Variants in PTPN23 observed in about 807,000 individuals in gnomAD.
The protein encoded by PTPN23 is protein tyrosine phosphatase non-receptor type 23.
PTPN23 carries 72 observed loss-of-function variants against 156.3 expected under a neutral mutation model. That is an observed-to-expected ratio of 0.46 (90% CI 0.38 to 0.56). The LOEUF (loss-of-function observed/expected upper bound fraction) is 0.56, where lower values mean the gene tolerates loss of function less well. Ranked by LOEUF, PTPN23 falls within the 20% of genes least tolerant of loss-of-function variation. The pLI is 0.00. For synonymous variants in PTPN23, 957 were observed against 899.6 expected (o/e 1.06, Z -1.14); for missense variants, 1,974 against 2,171.5 (o/e 0.91, Z 1.81).
In PTPN23 at chr3:47,410,953, G is replaced by C; in HGVS notation, c.3155G>C (p.Gly1052Ala). ...PQPPHPPLAYGPAPSTRPMGP... is the reference protein window; with the variant it reads ...PQPPHPPLAYAPAPSTRPMGP... ...CCTCCCCATCCCCCACTGGCATATG[G>C]TCCTGCCCCTTCTACCAGACCCATG... The change falls in exon 20 of 25, where the codon GGT becomes GCT. Residue 1052 changes from glycine (G) to alanine (A), a missense_variant. Gly to Ala is a moderately conservative substitution (Grantham distance 60, BLOSUM62 0). Transcript: ENST00000265562. The C allele has an allele frequency of 6.2e-7, 1 of 1,608,736 alleles. No individual in the cohort carries two copies. The highest frequency in any genetic ancestry group is 8.5e-7 in the Non-Finnish European group (1 of 1,177,042).
At position 47,391,686 on chromosome 3, in the gene PTPN23, C is replaced by T. The variant is rs115673752; in HGVS notation, c.85-4457C>T. ...TGTTCCTAGTGATATCACGGGAAGC[C>T]TTGTTTCTAGGATGTAGGAGTCTCC... On this transcript the variant is annotated intron_variant, in intron 1 of 24. Coordinates refer to ENST00000265562, the MANE Select transcript of PTPN23 (RefSeq NM_015466.4). 2.9e-3 allele frequency among the ~76,000 whole-genome samples: 436 copies of T among 152,190 alleles called. 2 individuals are homozygous for T. The highest frequency in any genetic ancestry group is 9.9e-3 in the African/African-American group (410 of 41,540).
At chr3:47,408,164 C>T (rs917821398) in intron 14 of PTPN23, among the ~76,000 whole-genome samples, 181 bp from the exon 15 acceptor site, 10 of 152,112 alleles carry the variant, frequency 6.6e-5, no homozygotes, top group Non-Finnish European at 1.3e-4. Context: ...CCACTGTTTC[C>T]AGCAGTGCCC....
At position 47,404,687 on chromosome 3, in the gene PTPN23, T is replaced by C. The variant is rs1414775956; in HGVS notation, c.195T>C (p.Cys65=). 1 of 1,613,980 alleles carries C rather than the reference T, an allele frequency of 6.2e-7. No individual in the cohort carries two copies. The highest frequency in any genetic ancestry group is 1.1e-5 in the South Asian group (1 of 91,082). Residue 65 remains cysteine (C), a synonymous_variant, in exon 3 of 25, where the codon TGT becomes TGC. Transcript: ENST00000265562. Reference sequence around the variant, plus strand: ...GTGTCCCACGAGACTTTGAGGGCTGTAGTGTCCTCCGCAAGTACCTCGGCC... The same window carrying C: ...GTGTCCCACGAGACTTTGAGGGCTGCAGTGTCCTCCGCAAGTACCTCGGCC... ...AVRVPRDFEG[C]SVLRKYLGQL...
At chr3:47,388,913 C>T (rs1429026477) in intron 1 of PTPN23, among the ~76,000 whole-genome samples, 1 of 152,146 alleles carries the variant, frequency 6.6e-6, no homozygotes, top group Non-Finnish European at 1.5e-5. Context: ...GATCCACCCG[C>T]CTTGGCCTCC....
At chr3:47,400,809 G>C (rs1704978397) in intron 2 of PTPN23, among the ~76,000 whole-genome samples, 1 of 152,128 alleles carries the variant, frequency 6.6e-6, no homozygotes, top group Non-Finnish European at 1.5e-5. Context: ...CTCAACCTCA[G>C]GTGATCCACC....
Position 47,408,477 on chromosome 3 carries a change from A to G in PTPN23, c.1317A>G (p.Val439=). ...SVRPDTVRNL[V]QSMQVLSGVF... is the part of the protein sequence containing the mutation. ...GGCCCGACACTGTCAGGAACCTTGTACAGTCCATGCAAGGTGAGTAAGGGG... is the reference window on the plus strand; with the variant it reads ...GGCCCGACACTGTCAGGAACCTTGTGCAGTCCATGCAAGGTGAGTAAGGGG... Residue 439 remains valine (V), a synonymous_variant, in exon 15 of 25, where the codon GTA becomes GTG. Coordinates refer to ENST00000265562, the MANE Select transcript of PTPN23 (RefSeq NM_015466.4). 6.2e-7 allele frequency: 1 copy of G among 1,613,742 alleles called. No homozygotes were observed. The highest frequency in any genetic ancestry group is 8.5e-7 in the Non-Finnish European group (1 of 1,179,744).
rs996459483 is a variant in PTPN23, at chr3:47,405,827, T to A, written c.414+29T>A. 2 of 1,588,598 alleles carry A rather than the reference T, an allele frequency of 1.3e-6. No homozygotes were observed. The highest frequency in any genetic ancestry group is 2.7e-5 in the African/African-American group (2 of 74,434). On this transcript the variant is annotated intron_variant, in intron 5 of 24. Coordinates refer to ENST00000265562, the MANE Select transcript of PTPN23 (RefSeq NM_015466.4). This position sits in a 1 kb window ranked among gnomAD's most constrained non-coding sequence, Gnocchi z 4.7. The stretch of plus-strand genomic sequence containing the variant: ...AGGAGAGGGGCAGTAGTGGAACATG[T>A]GGACATACCAGGGAGGGGCAGCCTC...
Position 47,411,154 on chromosome 3 carries a change from T to C in PTPN23, c.3356T>C (p.Leu1119Pro). The change falls in exon 20 of 25, where the codon CTG becomes CCG. Residue 1119 changes from leucine (L) to proline (P), a missense_variant. By Grantham distance (98) the Leu-to-Pro change is moderately conservative (BLOSUM62 -3). Transcript: ENST00000265562. The surrounding 1 kb of genome is among the most constrained non-coding windows in gnomAD (Gnocchi z 6.3). ...CGCCGAGGCGCCGCAGCTGCAGACC[T>C]GCTCTCCTCCAGCCCGGAGAGCCAG... ...CLRRGAAAAD[L>P]LSSSPESQHG... The C allele has an allele frequency of 6.2e-7, 1 of 1,602,070 alleles. No homozygotes were observed. Among genetic ancestry groups the C allele is most frequent in the Non-Finnish European group, 8.5e-7 (1 of 1,175,972 alleles).
chr3:47,402,936 C>T (rs1459253798), intron 2 of PTPN23, among the ~76,000 whole-genome samples: 1 of 151,738 alleles, frequency 6.6e-6, no homozygotes, highest in Non-Finnish European at 1.5e-5. Flanking sequence ...GAACTCCTGA[C>T]CTTAGGTGAT....
Position 47,406,768 on chromosome 3 carries a change from G to C in PTPN23, c.807+18G>C. The C allele has an allele frequency of 1.2e-6, 2 of 1,613,110 alleles. No individual in the cohort carries two copies. Among genetic ancestry groups the C allele is most frequent in the Non-Finnish European group, 1.7e-6 (2 of 1,179,784 alleles). On this transcript the variant is annotated intron_variant, in intron 9 of 24. Coordinates refer to ENST00000265562, the MANE Select transcript of PTPN23 (RefSeq NM_015466.4). This position sits in a 1 kb window ranked among gnomAD's most constrained non-coding sequence, Gnocchi z 5.8. ...GGGAGCGGGTGAGCTACAGCGAGGA[G>C]GGGACTGGGGACCAATGGCAGCCTT... is the stretch of plus-strand genomic sequence containing the variant.
intron 2 of PTPN23, among the ~76,000 whole-genome samples, chr3:47,397,730 C>A (rs1034647492): frequency 6.6e-6 from 1 of 152,084 alleles, no homozygotes; most frequent in African/African-American, 2.4e-5. Context: ...AGTGCAATGG[C>A]GCGATCTCAG....
chr3:47,412,267 C>T lies in PTPN23; in HGVS notation c.4179-16C>T, dbSNP rs754949208. The T allele has an allele frequency of 3.1e-6, 5 of 1,612,990 alleles. No homozygotes were observed. Among genetic ancestry groups the T allele is most frequent in the East Asian group, 2.2e-5 (1 of 44,862 alleles). ...CTAGCCTCATACCCCGGCCTCATAA[C>T]CCCTTCTTGGCACAGCTCTGGTGTG... On this transcript the variant is annotated splice_polypyrimidine_tract_variant and intron_variant, in intron 22 of 24. Transcript: ENST00000265562.
At chr3:47,397,712 C>G (rs1704907597) in intron 2 of PTPN23, among the ~76,000 whole-genome samples, 1 of 152,158 alleles carries the variant, frequency 6.6e-6, no homozygotes, top group African/African-American at 2.4e-5. Context: ...CTCTGTCACC[C>G]AGGCTGGAGT....
At position 47,410,581 on chromosome 3, in the gene PTPN23, C is replaced by T. The variant is rs1474473299; in HGVS notation, c.2783C>T (p.Ala928Val). ...LPTPYTYPAG[A>V]KQPIPAQHHF... is the part of the protein sequence containing the mutation. The stretch of plus-strand genomic sequence containing the variant: ...ACGCCTTACACCTACCCTGCAGGGG[C>T]TAAGCAACCCATCCCGGCACAGCAC... The change falls in exon 20 of 25, where the codon GCT becomes GTT. Residue 928 changes from alanine (A) to valine (V), a missense_variant. Around this residue, in one of 4 missense-constraint regions of PTPN23, gnomAD observed 731 missense variants for 669.1 expected, o/e 1.09. Transcript: ENST00000265562. 2 of 1,607,926 alleles carry T rather than the reference C, an allele frequency of 1.2e-6. No individual in the cohort carries two copies. The highest frequency in any genetic ancestry group is 2.2e-5 in the East Asian group (1 of 44,554).
At position 47,410,571 on chromosome 3, in the gene PTPN23, C is replaced by A; in HGVS notation, c.2773C>A (p.Pro925Thr). ...PQPLPTPYTYPAGAKQPIPAQ... is the reference protein window; with the variant it reads ...PQPLPTPYTYTAGAKQPIPAQ... Reference sequence around the variant, plus strand: ...GCCACTGCCCACGCCTTACACCTACCCTGCAGGGGCTAAGCAACCCATCCC... The same window carrying A: ...GCCACTGCCCACGCCTTACACCTACACTGCAGGGGCTAAGCAACCCATCCC... The change falls in exon 20 of 25, where the codon CCT (proline) becomes ACT (threonine). Residue 925 changes from proline (P) to threonine (T), a missense_variant. Physicochemically the swap from Pro to Thr is conservative, Grantham distance 38. Around this residue, in one of 4 missense-constraint regions of PTPN23, gnomAD observed 731 missense variants for 669.1 expected, o/e 1.09. Transcript: ENST00000265562. 1 of 1,612,316 alleles carries A rather than the reference C, an allele frequency of 6.2e-7. No individual in the cohort carries two copies. Among genetic ancestry groups the A allele is most frequent in the Non-Finnish European group, 8.5e-7 (1 of 1,179,506 alleles).
intron 2 of PTPN23, among the ~76,000 whole-genome samples, chr3:47,403,055 CTTT>C (rs1007913831): frequency 2.9e-5 from 4 of 138,442 alleles, no homozygotes; most frequent in Non-Finnish European, 3.2e-5. Flanking sequence ...TTGTTACATT[CTTT>C]TTTTTTTTTT....
Position 47,410,187 on chromosome 3 carries a change from T to C in PTPN23, c.2389T>C (p.Ser797Pro). ...AGGCCCCTTGCCCCCTGGTACCTACTCGGGCCCCACCCAGCTGATACAGCC... is the reference window on the plus strand; with the variant it reads ...AGGCCCCTTGCCCCCTGGTACCTACCCGGGCCCCACCCAGCTGATACAGCC... ...LSGPLPPGTY[S>P]GPTQLIQPRA... is the part of the protein sequence containing the mutation. The change falls in exon 20 of 25, where the codon TCG becomes CCG. Residue 797 changes from serine (S) to proline (P), a missense_variant. By Grantham distance (74) the Ser-to-Pro change is moderately conservative (BLOSUM62 -1). Transcript: ENST00000265562. 1 of 1,602,872 alleles carries C rather than the reference T, an allele frequency of 6.2e-7. No individual in the cohort carries two copies. Among genetic ancestry groups the C allele is most frequent in the Non-Finnish European group, 8.5e-7 (1 of 1,174,058 alleles).
In PTPN23 at chr3:47,405,648, C is replaced by T; in HGVS notation, c.365-101C>T. 1 of 1,237,220 alleles carries T rather than the reference C, an allele frequency of 8.1e-7. No individual in the cohort carries two copies. The highest frequency in any genetic ancestry group is 1.1e-6 in the Non-Finnish European group (1 of 872,608). 76.6% of individuals were successfully genotyped at this position (1,237,220 alleles called of 1,614,324 possible). A position where few individuals can be genotyped will look rare whatever the true frequency, so the allele number is the denominator to read the frequency against. On this transcript the variant is annotated intron_variant, in intron 4 of 24. Coordinates refer to ENST00000265562, the MANE Select transcript of PTPN23 (RefSeq NM_015466.4). The surrounding 1 kb of genome is among the most constrained non-coding windows in gnomAD (Gnocchi z 4.7). ...GACTCGTTGCCCTGGTTCTCAGAGC[C>T]ATGTTGTCCTGATTGTGGATAACAG...
chr3:47,408,730 C>A (rs766381067), intron 15 of PTPN23, 46 bp from the exon 16 acceptor site: 2 of 1,547,972 alleles, frequency 1.3e-6, no homozygotes, highest in Non-Finnish European at 1.7e-6. Flanking sequence ...CCATGGGTGC[C>A]CGGTCAGCCT....
Sources: gnomAD v4.1 joint callset for allele counts (sites outside exome capture counted in the v4.1 genomes callset) on GRCh38, gnomAD v4.1.1 for gene constraint, gnomAD v4.1.1 regional missense constraint, Gnocchi (gnomAD v3.1) non-coding constraint, MANE v1.5 for transcripts, NCBI Gene and HGNC (gene_info 2026-07-23, HGNC 2026-07-21) for gene names.